Variants in WHRN observed in about 807,000 individuals in gnomAD.
The protein encoded by WHRN is CASK-interacting protein CIP98.
WHRN carries 41 observed loss-of-function variants against 68.3 expected under a neutral mutation model. The observed-to-expected ratio is 0.60, with a 90% confidence interval of 0.47 to 0.78. The LOEUF (loss-of-function observed/expected upper bound fraction) is 0.78. Ranked by LOEUF, WHRN falls within the 30% of genes least tolerant of loss-of-function variation. The pLI, the probability that WHRN is intolerant of heterozygous loss-of-function variation, is 0.00. For missense variants in WHRN, 1,243 were observed against 1,244.7 expected (o/e 1.00, Z 0.02); for synonymous variants, 560 against 561.3 (o/e 1.00, Z 0.03).
chr9:114,406,365 G>A lies in WHRN; in HGVS notation c.2226C>T (p.Pro742=), dbSNP rs1201515871. The A allele has an allele frequency of 3.7e-6, 6 of 1,614,102 alleles. No homozygotes were observed. Among genetic ancestry groups the A allele is most frequent in the Non-Finnish European group, 5.1e-6 (6 of 1,180,048 alleles). Residue 742 remains proline (P), a synonymous_variant, in exon 9 of 12, where the codon CCC becomes CCT. Coordinates refer to ENST00000362057, the MANE Select transcript of WHRN (RefSeq NM_015404.4). ...EPDVNEVRAL[P]QTRTASTLSQ... ...CCTTGCTGTACTCACTGCGCGTCTG[G>A]GGCAGCGCCCTCACTTCATTGACGT...
chr9:114,433,834 G>C (rs1159945532), intron 3 of WHRN, among the ~76,000 whole-genome samples: 1 of 152,190 alleles, frequency 6.6e-6, no homozygotes, highest in Non-Finnish European at 1.5e-5. Flanking sequence ...AAATGCTGTG[G>C]ATGGACCCGG....
At chr9:114,423,251 C>T in intron 7 of WHRN, 63 bp downstream of exon 7, 3 of 1,567,884 alleles carry the variant, frequency 1.9e-6, no homozygotes, top group Non-Finnish European at 2.6e-6. Context: ...TGGTCTCACT[C>T]CAAAGCCAGC....
chr9:114,501,583 C>CAG (rs1422114086), intron 1 of WHRN, among the ~76,000 whole-genome samples: 1 of 151,768 alleles, frequency 6.6e-6, no homozygotes, highest in Non-Finnish European at 1.5e-5. Context: ...CACACACACA[C>CAG]ACACTGAATC....
chr9:114,504,232 G>T lies in WHRN; in HGVS notation c.570C>A (p.Arg190=), dbSNP rs752552369. Residue 190 remains arginine (R), a synonymous_variant, in exon 1 of 12, where the codon CGC becomes CGA. Coordinates refer to ENST00000362057, the MANE Select transcript of WHRN (RefSeq NM_015404.4). The part of the protein sequence containing the change: ...EGLRVGDQIL[R]VNDKSLARVT... The stretch of plus-strand genomic sequence containing the variant: ...CCCGGGCCAGGGATTTGTCGTTGAC[G>T]CGCAGAATCTGGTCCCCGACCCGCA... The T allele has an allele frequency of 6.2e-7, 1 of 1,614,146 alleles. No individual in the cohort carries two copies. Among genetic ancestry groups the T allele is most frequent in the East Asian group, 2.2e-5 (1 of 44,878 alleles).
chr9:114,427,936 G>A (rs964586606), intron 3 of WHRN, among the ~76,000 whole-genome samples: 16 of 152,206 alleles, frequency 1.1e-4, no homozygotes, highest in Non-Finnish European at 2.1e-4. Flanking sequence ...TTTAGCTCAC[G>A]ATCAAGGGTG....
chr9:114,472,429 G>T (rs1285525220), intron 2 of WHRN, among the ~76,000 whole-genome samples: 2 of 152,188 alleles, frequency 1.3e-5, no homozygotes, highest in Non-Finnish European at 2.9e-5. Flanking sequence ...AGATAGGACG[G>T]ATCCGTGTAT....
chr9:114,479,924 G>T lies in WHRN; in HGVS notation c.619-1153C>A, dbSNP rs142931324. On this transcript the variant is annotated intron_variant, in intron 1 of 11. Transcript: ENST00000362057. ...CTAAAAATACAAAAATTAACTGGGC[G>T]TGGTGGTGGGCACCTGTAATCCCAG... 3.3e-5 allele frequency among the ~76,000 whole-genome samples: 5 copies of T among 152,262 alleles called. No homozygotes were observed. The East Asian group carries it at 9.7e-4, about 29-fold the overall frequency.
chr9:114,497,956 C>T (rs138340680), intron 1 of WHRN, among the ~76,000 whole-genome samples: 248 of 152,244 alleles, frequency 1.6e-3, no homozygotes, highest in African/African-American at 5.7e-3. Context: ...GAACTGCCCA[C>T]GGCCACAAAG....
At chr9:114,497,622 T>C (rs1357549951) in intron 1 of WHRN, among the ~76,000 whole-genome samples, 10 of 152,298 alleles carry the variant, frequency 6.6e-5, no homozygotes, top group African/African-American at 2.4e-4. Context: ...TAAATAATTC[T>C]ATTTTGGAAT....
intron 7 of WHRN, among the ~76,000 whole-genome samples, chr9:114,421,421 GGCT>G (rs1836274203): frequency 3.3e-5 from 5 of 152,176 alleles, no homozygotes; most frequent in Admixed American, 3.3e-4. Context: ...CAGGGCTTCG[GGCT>G]GCTGAAGTCA....
At chr9:114,468,209 TA>T (rs1303215043) in intron 2 of WHRN, among the ~76,000 whole-genome samples, 1 of 152,106 alleles carries the variant, frequency 6.6e-6, no homozygotes, top group Non-Finnish European at 1.5e-5. Context: ...AAGATCAAAT[TA>T]AGAGACAAGT....
intron 4 of WHRN, chr9:114,425,630 C>CACACACAGAG: frequency 4.3e-6 from 1 of 232,054 alleles, no homozygotes; most frequent in East Asian, 1.0e-4. Context: ...CACACACACA[C>CACACACAGAG]AGAGAGACAC....
chr9:114,416,002 A>G (rs544235568), intron 7 of WHRN, among the ~76,000 whole-genome samples: 4 of 152,248 alleles, frequency 2.6e-5, no homozygotes, highest in East Asian at 3.9e-4. Context: ...GCAGACAAGG[A>G]GGGAGGCACA....
At chr9:114,489,668 A>G (rs747831173) in intron 1 of WHRN, among the ~76,000 whole-genome samples, 17 of 152,268 alleles carry the variant, frequency 1.1e-4, no homozygotes, top group Non-Finnish European at 1.9e-4. Flanking sequence ...TGAGATATGT[A>G]AAGTTTAAAG....
intron 2 of WHRN, among the ~76,000 whole-genome samples, chr9:114,477,321 G>A (rs1179620721): frequency 1.3e-5 from 2 of 152,246 alleles, no homozygotes; most frequent in African/African-American, 4.8e-5. Context: ...CAGTGTCAAG[G>A]TCCTACACAC....
chr9:114,478,440 G>A (rs759257882), intron 2 of WHRN, 113 bp downstream of exon 2: 2 of 1,180,074 alleles, frequency 1.7e-6, no homozygotes, highest in Admixed American at 1.7e-5. Flanking sequence ...AGGGAAGACA[G>A]AGCCTGGACA....
chr9:114,468,367 T>C (rs1840905163), intron 2 of WHRN, among the ~76,000 whole-genome samples: 1 of 152,108 alleles, frequency 6.6e-6, no homozygotes, highest in Non-Finnish European at 1.5e-5. Flanking sequence ...CAGACCTGGG[T>C]TCTGCCCACC....
At chr9:114,409,803 T>G (rs530094626) in intron 7 of WHRN, among the ~76,000 whole-genome samples, 4 of 151,914 alleles carry the variant, frequency 2.6e-5, no homozygotes, top group African/African-American at 9.7e-5. Flanking sequence ...CCACCTCAGC[T>G]AAAATCGTAA....
intron 3 of WHRN, among the ~76,000 whole-genome samples, chr9:114,462,181 G>A (rs555606446): frequency 6.6e-6 from 1 of 152,308 alleles, no homozygotes; most frequent in South Asian, 2.1e-4. Flanking sequence ...CTGCCAGGAA[G>A]CTCAGAGCCA....
Sources: allele counts gnomAD v4.1 joint callset (sites outside exome capture counted in the v4.1 genomes callset), GRCh38; gene constraint gnomAD v4.1.1; transcripts MANE v1.5; gene names NCBI Gene and HGNC (gene_info 2026-07-23, HGNC 2026-07-21).